The following ZBTB20 variants were observed in gnomAD, a reference collection of about 807,000 sequenced individuals.
ZBTB20 encodes zinc finger and BTB domain containing 20.
Under a neutral mutation model 56.9 loss-of-function variants are expected in ZBTB20, and 9 were observed. The ratio of observed to expected loss-of-function variants is 0.16; its 90% CI spans 0.10 to 0.28. The LOEUF (loss-of-function observed/expected upper bound fraction) is 0.28. ZBTB20 is among the 10% of genes least tolerant of loss of function. The probability of loss-of-function intolerance (pLI) is 1.00; values close to 1 mark genes in which losing one functional copy is unlikely to be tolerated. For missense variants in ZBTB20, 655 were observed against 1,003.0 expected (o/e 0.65, Z 4.69); for synonymous variants, 417 against 420.7 (o/e 0.99, Z 0.11).
chr3:114,646,879 T>C (rs2059870574), intron 6 of ZBTB20, among the ~76,000 whole-genome samples: 1 of 152,182 alleles, frequency 6.6e-6, no homozygotes, highest in African/African-American at 2.4e-5. Flanking sequence ...AAATAAAAGA[T>C]TCAGAATTCA....
At chr3:114,386,058 T>C (rs1232219103) in intron 8 of ZBTB20, among the ~76,000 whole-genome samples, 1 of 152,144 alleles carries the variant, frequency 6.6e-6, no homozygotes, top group Non-Finnish European at 1.5e-5. Context: ...GTGGCTACAC[T>C]ACACCATGAG....
At position 114,335,246 on chromosome 3, in the gene ZBTB20, T is replaced by G. The variant is rs1337055467; in HGVS notation, c.*3759A>C. Reference sequence around the variant, plus strand: ...TACTCATCCTAAGAAGTCTTAAATCTGGAACATTTGCTTTTATCTTATCTA... The same window carrying G: ...TACTCATCCTAAGAAGTCTTAAATCGGGAACATTTGCTTTTATCTTATCTA... On this transcript the variant is annotated 3_prime_UTR_variant, in exon 12 of 12. Transcript: ENST00000675478. 6.6e-6 allele frequency: 1 copy of G among 152,186 alleles called. No homozygotes were observed. Among genetic ancestry groups the G allele is most frequent in the African/African-American group, 2.4e-5 (1 of 41,446 alleles). The allele number at this position is 152,186 out of a possible 1,614,324, so 9.4% of individuals were successfully genotyped here. A position where few individuals can be genotyped will look rare whatever the true frequency, so the allele number is the denominator to read the frequency against.
chr3:115,116,670 T>G (rs1162434906), intron 1 of ZBTB20, among the ~76,000 whole-genome samples: 1 of 151,878 alleles, frequency 6.6e-6, no homozygotes, highest in Non-Finnish European at 1.5e-5. Flanking sequence ...AATGAGCATT[T>G]GATAAATATT....
intron 1 of ZBTB20, among the ~76,000 whole-genome samples, chr3:115,097,558 T>C (rs562900050): frequency 2.0e-5 from 3 of 152,202 alleles, no homozygotes; most frequent in South Asian, 2.1e-4. Context: ...CAGTACCAAA[T>C]TGTTTTAGCT....
chr3:115,125,320 G>A (rs1226282149), intron 1 of ZBTB20, among the ~76,000 whole-genome samples: 1 of 150,686 alleles, frequency 6.6e-6, no homozygotes, highest in Non-Finnish European at 1.5e-5. Flanking sequence ...TGCAGCCTGG[G>A]CAACAGAGCA....
chr3:114,991,405 T>C (rs564015363), intron 2 of ZBTB20, among the ~76,000 whole-genome samples: 10 of 152,262 alleles, frequency 6.6e-5, no homozygotes, highest in Non-Finnish European at 1.3e-4. Context: ...TTTCCGTAGT[T>C]GAGTGGTTTT....
chr3:114,797,039 T>C (rs953143384), intron 5 of ZBTB20, among the ~76,000 whole-genome samples: 1 of 151,820 alleles, frequency 6.6e-6, no homozygotes, highest in Non-Finnish European at 1.5e-5. Context: ...GCAAATTGCT[T>C]AACTCCACCA....
At chr3:114,377,729 A>C (rs957454691) in intron 10 of ZBTB20, among the ~76,000 whole-genome samples, 5 of 152,150 alleles carry the variant, frequency 3.3e-5, no homozygotes, top group African/African-American at 1.2e-4. Flanking sequence ...GCAAATCCAT[A>C]AACACCCCTC....
chr3:114,854,322 A>C (rs900410386), intron 4 of ZBTB20, among the ~76,000 whole-genome samples: 1 of 152,214 alleles, frequency 6.6e-6, no homozygotes, highest in African/African-American at 2.4e-5. Context: ...CAAAGATAAT[A>C]GAGGCTAACA....
intron 3 of ZBTB20, among the ~76,000 whole-genome samples, chr3:114,925,194 G>C (rs1377049978): frequency 1.3e-5 from 2 of 151,818 alleles, no homozygotes; most frequent in Non-Finnish European, 2.9e-5. Context: ...ACGTTAGCCA[G>C]GATGGTCTCG....
intron 6 of ZBTB20, among the ~76,000 whole-genome samples, chr3:114,651,150 G>T (rs529293190): frequency 6.6e-6 from 1 of 152,008 alleles, no homozygotes; most frequent in African/African-American, 2.4e-5. Flanking sequence ...AAATAACTCA[G>T]CCAGGTTAAT....
At chr3:114,718,810 CA>C (rs2064696352) in intron 5 of ZBTB20, among the ~76,000 whole-genome samples, 1 of 151,956 alleles carries the variant, frequency 6.6e-6, no homozygotes, top group Non-Finnish European at 1.5e-5. Flanking sequence ...GACTCTTAAC[CA>C]AGGTTTTTCT....
At chr3:115,123,835 C>T (rs1381302299) in intron 1 of ZBTB20, among the ~76,000 whole-genome samples, 1 of 152,136 alleles carries the variant, frequency 6.6e-6, no homozygotes, top group African/African-American at 2.4e-5. Flanking sequence ...TAGTACAGGA[C>T]TGAGGAGAGG....
chr3:115,122,532 A>G (rs1438572718), intron 1 of ZBTB20, among the ~76,000 whole-genome samples: 1 of 151,998 alleles, frequency 6.6e-6, no homozygotes, highest in African/African-American at 2.4e-5. Context: ...ATACAATCCT[A>G]TATCTCTGAG....
intron 6 of ZBTB20, among the ~76,000 whole-genome samples, chr3:114,664,008 T>C (rs1483609892): frequency 6.6e-6 from 1 of 152,100 alleles, no homozygotes; most frequent in African/African-American, 2.4e-5. Flanking sequence ...CTTAAGTAGA[T>C]GTCATTTTTC....
Position 114,994,356 on chromosome 3 carries a change from G to A in ZBTB20, c.-506-19940C>T, listed in dbSNP as rs72960369. On this transcript the variant is annotated intron_variant, in intron 2 of 11. Transcript: ENST00000675478. ...TGGTTTAACAGTTGAATCCTGCCAA[G>A]CCTTTAAGGAATGGATAATCGTAGC... 5.7e-3 allele frequency among the ~76,000 whole-genome samples: 862 copies of A among 151,952 alleles called. 12 individuals are homozygous for A. The highest frequency in any genetic ancestry group is 0.019 in the African/African-American group (793 of 41,520).
At chr3:114,916,736 G>A (rs935298330) in intron 3 of ZBTB20, among the ~76,000 whole-genome samples, 3 of 152,100 alleles carry the variant, frequency 2.0e-5, no homozygotes, top group Non-Finnish European at 2.9e-5. Context: ...TGGGCTGTAA[G>A]GTTTCCACTG....
intron 5 of ZBTB20, among the ~76,000 whole-genome samples, chr3:114,763,036 T>A (rs2068544955): frequency 6.6e-6 from 1 of 152,198 alleles, no homozygotes; most frequent in African/African-American, 2.4e-5. Context: ...TCACATACTT[T>A]ATATAAATAC....
chr3:114,942,132 TCA>T (rs1219032682), intron 3 of ZBTB20, among the ~76,000 whole-genome samples: 1 of 145,982 alleles, frequency 6.9e-6, no homozygotes, highest in Admixed American at 6.6e-5. Context: ...TAAGCATTAG[TCA>T]CAGTTTAATA....
Sources: gnomAD v4.1 joint callset for allele counts (sites outside exome capture counted in the v4.1 genomes callset) on GRCh38, gnomAD v4.1.1 for gene constraint, MANE v1.5 for transcripts, NCBI Gene and HGNC (gene_info 2026-07-23, HGNC 2026-07-21) for gene names.